The following GRID1 variants were observed in gnomAD, a reference collection of about 807,000 sequenced individuals.
GRID1 encodes glutamate ionotropic receptor delta type subunit 1.
In GRID1, 28 loss-of-function variants were observed where a neutral mutation model predicts 98.0. That is an observed-to-expected ratio of 0.29 (90% CI 0.21 to 0.39). GRID1 has a LOEUF of 0.39. Among genes scored for constraint, GRID1 ranks in the 10% least tolerant of loss-of-function variants. The pLI is 1.00. For synonymous variants in GRID1, 553 were observed against 538.5 expected (o/e 1.03, Z -0.37); for missense variants, 1,111 against 1,340.5 (o/e 0.83, Z 2.67).
At chr10:85,881,505 C>G (rs575265707) in intron 5 of GRID1, among the ~76,000 whole-genome samples, 27 of 152,192 alleles carry the variant, frequency 1.8e-4, no homozygotes, top group African/African-American at 4.8e-4. Context: ...ACAAACCTGA[C>G]AAAAACAAGC....
At chr10:86,194,786 C>T (rs891559026) in intron 3 of GRID1, among the ~76,000 whole-genome samples, 10 of 152,052 alleles carry the variant, frequency 6.6e-5, no homozygotes, top group African/African-American at 2.4e-4. Context: ...GCCCTCCTCA[C>T]CCCAACAGGA....
intron 14 of GRID1, among the ~76,000 whole-genome samples, chr10:85,615,509 CT>C (rs1423550585): frequency 1.4e-4 from 22 of 152,296 alleles, no homozygotes; most frequent in African/African-American, 5.1e-4. Flanking sequence ...ACTAAGATGG[CT>C]GTGGTTAGAT....
At chr10:86,208,694 C>T (rs1243764619) in intron 2 of GRID1, among the ~76,000 whole-genome samples, 2 of 152,214 alleles carry the variant, frequency 1.3e-5, no homozygotes, top group Non-Finnish European at 2.9e-5. Flanking sequence ...GGCTGGCTCT[C>T]CAACTTGACC....
At chr10:86,217,936 C>A (rs372480356) in intron 2 of GRID1, among the ~76,000 whole-genome samples, 7 of 152,144 alleles carry the variant, frequency 4.6e-5, no homozygotes, top group African/African-American at 1.4e-4. Context: ...CGGGCCTGAT[C>A]CTGTGTCCAA....
chr10:85,881,738 C>T (rs929319612), intron 5 of GRID1, among the ~76,000 whole-genome samples: 1 of 152,046 alleles, frequency 6.6e-6, no homozygotes, highest in Non-Finnish European at 1.5e-5. Flanking sequence ...TCTAAAACAC[C>T]AAAAGCAATG....
intron 13 of GRID1, among the ~76,000 whole-genome samples, chr10:85,628,707 A>G (rs562245488): frequency 1.3e-5 from 2 of 152,206 alleles, no homozygotes; most frequent in African/African-American, 2.4e-5. Context: ...GACCAGCAAA[A>G]GGAGGCAAAC....
At chr10:85,968,614 A>G (rs1448903414) in intron 4 of GRID1, among the ~76,000 whole-genome samples, 1 of 152,190 alleles carries the variant, frequency 6.6e-6, no homozygotes, top group East Asian at 1.9e-4. Flanking sequence ...ATTTAAAATT[A>G]TCTACCATTA....
At chr10:85,826,230 G>T (rs1490035038) in intron 8 of GRID1, among the ~76,000 whole-genome samples, 1 of 152,172 alleles carries the variant, frequency 6.6e-6, no homozygotes, top group Non-Finnish European at 1.5e-5. Context: ...AGCTACTCGG[G>T]AGGCTAAGGC....
chr10:86,101,648 T>C (rs1168059323), intron 4 of GRID1, among the ~76,000 whole-genome samples: 1 of 150,948 alleles, frequency 6.6e-6, no homozygotes, highest in Non-Finnish European at 1.5e-5. Flanking sequence ...TTTTTTTTTT[T>C]TTGAGACAGA....
At chr10:86,139,381 G>A (rs1356371525) in intron 3 of GRID1, among the ~76,000 whole-genome samples, 1 of 152,182 alleles carries the variant, frequency 6.6e-6, no homozygotes, top group East Asian at 1.9e-4. Flanking sequence ...CCTGGCCCTA[G>A]CATCCCCAGT....
At chr10:85,752,853 C>G (rs1399772945) in intron 8 of GRID1, among the ~76,000 whole-genome samples, 1 of 152,054 alleles carries the variant, frequency 6.6e-6, no homozygotes, top group Non-Finnish European at 1.5e-5. Flanking sequence ...TCAAATTCCT[C>G]TAAGGGTTAT....
chr10:85,676,167 C>A (rs1462992876), intron 12 of GRID1, among the ~76,000 whole-genome samples: 7 of 152,090 alleles, frequency 4.6e-5, no homozygotes, highest in African/African-American at 1.7e-4. Flanking sequence ...TGTTTCACCT[C>A]GAATCTTTTT....
chr10:85,602,610 A>G lies in GRID1; in HGVS notation c.2693T>C (p.Ile898Thr), dbSNP rs1236928405. Reference protein sequence around the residue: ...IAHKQISPASIELSALEMGGL... With the variant: ...IAHKQISPASTELSALEMGGL... The stretch of plus-strand genomic sequence containing the variant: ...CCCCATCTCCAGGGCCGAGAGCTCA[A>G]TCGACGCTGGGGAAATCTGCTTGTG... The change falls in exon 16 of 16, where the codon ATT (isoleucine) becomes ACT (threonine). Residue 898 changes from isoleucine (I) to threonine (T), a missense_variant. This residue lies in a region of GRID1 where 762 missense variants were observed against 869.1 expected (regional missense o/e 0.88). Coordinates refer to ENST00000327946, the MANE Select transcript of GRID1 (RefSeq NM_017551.3). 5 of 1,613,954 alleles carry G rather than the reference A, an allele frequency of 3.1e-6. No homozygotes were observed. The highest frequency in any genetic ancestry group is 4.2e-6 in the Non-Finnish European group (5 of 1,179,928).
At chr10:85,644,721 A>C (rs1051925303) in intron 13 of GRID1, among the ~76,000 whole-genome samples, 1 of 152,194 alleles carries the variant, frequency 6.6e-6, no homozygotes, top group African/African-American at 2.4e-5. Context: ...ACAGTATGTA[A>C]GTGTCCCATT....
At chr10:86,214,833 C>A in intron 2 of GRID1, among the ~76,000 whole-genome samples, 1 of 152,200 alleles carries the variant, frequency 6.6e-6, no homozygotes, top group Admixed American at 6.5e-5. Context: ...AGTGCCACTG[C>A]ACTTCATCCT....
chr10:86,348,747 C>A (rs1303400976), intron 2 of GRID1, among the ~76,000 whole-genome samples: 1 of 152,242 alleles, frequency 6.6e-6, no homozygotes, highest in Non-Finnish European at 1.5e-5. Flanking sequence ...ACCTGACATC[C>A]AGGAGCTCCC....
chr10:86,166,030 C>T (rs1845393453), intron 3 of GRID1, among the ~76,000 whole-genome samples: 1 of 152,214 alleles, frequency 6.6e-6, no homozygotes, highest in African/African-American at 2.4e-5. Context: ...GCTTGGCTAA[C>T]TATGGAGTAA....
At chr10:86,249,339 T>A (rs941337007) in intron 2 of GRID1, among the ~76,000 whole-genome samples, 1 of 152,186 alleles carries the variant, frequency 6.6e-6, no homozygotes, top group Admixed American at 6.5e-5. Flanking sequence ...CCATCAGTCC[T>A]ACCTTCAAGG....
At chr10:85,652,174 T>C (rs1451642452) in intron 12 of GRID1, among the ~76,000 whole-genome samples, 1 of 152,172 alleles carries the variant, frequency 6.6e-6, no homozygotes, top group Non-Finnish European at 1.5e-5. Context: ...GAGGATATTC[T>C]CCCCAGCTTG....
Sources: gnomAD v4.1 joint callset for allele counts (sites outside exome capture counted in the v4.1 genomes callset) on GRCh38, gnomAD v4.1.1 for gene constraint, gnomAD v4.1.1 regional missense constraint, MANE v1.5 for transcripts, NCBI Gene and HGNC (gene_info 2026-07-23, HGNC 2026-07-21) for gene names.